EPCIP: variants seen among roughly 807,000 people sequenced by gnomAD.
The protein encoded by EPCIP is exosomal polycystin-1-interacting protein.
At chr21:32,802,095 C>T in the EPCIP span, among the ~76,000 whole-genome samples, 3 of 152,126 alleles carry the variant, frequency 2.0e-5, no homozygotes, top group African/African-American at 7.2e-5. Context: ...CAGGACCTTG[C>T]TGGTCAAGCT....
chr21:32,797,035 A>G, the EPCIP span: 4 of 470,820 alleles, frequency 8.5e-6, no homozygotes, highest in Non-Finnish European at 1.8e-5. Flanking sequence ...AAGTTCCCAG[A>G]AGAATTTGTG....
the EPCIP span, among the ~76,000 whole-genome samples, chr21:32,793,138 G>T: frequency 6.6e-6 from 1 of 151,906 alleles, no homozygotes; most frequent in African/African-American, 2.4e-5. Flanking sequence ...TGTATTTTTA[G>T]TAGAGATGGG....
the EPCIP span, among the ~76,000 whole-genome samples, chr21:32,803,819 G>T: frequency 5.3e-5 from 8 of 152,090 alleles, no homozygotes; most frequent in African/African-American, 1.9e-4. Flanking sequence ...ATGAGCCACT[G>T]AATTTTCACA....
chr21:32,802,144 C>T, the EPCIP span, among the ~76,000 whole-genome samples: 13 of 152,148 alleles, frequency 8.5e-5, no homozygotes, highest in Non-Finnish European at 1.8e-4. Context: ...ACTTGGTCTC[C>T]AAACTCTTCT....
the EPCIP span, among the ~76,000 whole-genome samples, chr21:32,809,279 C>CTTTCTTTCTTTCTTTCTTT: frequency 2.9e-4 from 23 of 80,066 alleles, no homozygotes; most frequent in East Asian, 1.4e-3. Flanking sequence ...CTCCCTCCTT[C>CTTTCTTTCTTTCTTTCTTT]CTTTCTTTCT....
At chr21:32,795,133 C>T in the EPCIP span, among the ~76,000 whole-genome samples, 4 of 152,110 alleles carry the variant, frequency 2.6e-5, no homozygotes, top group Non-Finnish European at 4.4e-5. Context: ...ACAAATGTAC[C>T]TAGGTAACTG....
At chr21:32,799,850 G>A in the EPCIP span, among the ~76,000 whole-genome samples, 1 of 152,286 alleles carries the variant, frequency 6.6e-6, no homozygotes, top group Non-Finnish European at 1.5e-5. Context: ...GCTGAGGCAC[G>A]AGAATTCCTT....
chr21:32,791,592 A>C, the EPCIP span: 1 of 152,088 alleles, frequency 6.6e-6, no homozygotes, highest in Non-Finnish European at 1.5e-5. Context: ...TTCTATTAAA[A>C]TTCATACTTT....
the EPCIP span, among the ~76,000 whole-genome samples, chr21:32,799,550 A>G: frequency 1.3e-5 from 2 of 152,288 alleles, no homozygotes; most frequent in East Asian, 3.9e-4. Context: ...TATACTTGAG[A>G]CTGCTTCTTG....
At chr21:32,800,275 T>G in the EPCIP span, among the ~76,000 whole-genome samples, 1 of 152,218 alleles carries the variant, frequency 6.6e-6, no homozygotes, top group Admixed American at 6.5e-5. Flanking sequence ...AAATGTTGGG[T>G]GTAATCCTAG....
chr21:32,809,519 G>A, the EPCIP span, among the ~76,000 whole-genome samples: 1 of 151,538 alleles, frequency 6.6e-6, no homozygotes, highest in Non-Finnish European at 1.5e-5. Context: ...GACTATAGGT[G>A]CGTACCACTG....
the EPCIP span, chr21:32,797,295 C>T: frequency 5.4e-4 from 138 of 256,426 alleles, no homozygotes; most frequent in Non-Finnish European, 9.4e-4. Flanking sequence ...GTCGCCCGGG[C>T]TGCAGTTCAG....
At chr21:32,804,274 A>ATT in the EPCIP span, among the ~76,000 whole-genome samples, 4 of 67,530 alleles carry the variant, frequency 5.9e-5, no homozygotes, top group South Asian at 4.2e-4. Context: ...GATGCATGTG[A>ATT]TTATATATAT....
chr21:32,812,131 C>T, the EPCIP span, among the ~76,000 whole-genome samples: 2 of 152,202 alleles, frequency 1.3e-5, no homozygotes, highest in Non-Finnish European at 2.9e-5. Flanking sequence ...AGAGAGTGAG[C>T]CACTGGGAAG....
chr21:32,808,977 C>T, the EPCIP span, among the ~76,000 whole-genome samples: 1 of 151,940 alleles, frequency 6.6e-6, no homozygotes, highest in Non-Finnish European at 1.5e-5. Context: ...AACCGAGTGC[C>T]CATGAAATAG....
the EPCIP span, among the ~76,000 whole-genome samples, chr21:32,804,627 C>T: frequency 6.6e-6 from 1 of 152,018 alleles, no homozygotes; most frequent in South Asian, 2.1e-4. Context: ...TCTAAAGTAA[C>T]TGGTTCATTT....
At chr21:32,809,015 T>G in the EPCIP span, among the ~76,000 whole-genome samples, 1 of 152,090 alleles carries the variant, frequency 6.6e-6, no homozygotes, top group Non-Finnish European at 1.5e-5. Context: ...AAATGAATTC[T>G]TCAGACCTCC....
At chr21:32,800,195 A>C in the EPCIP span, among the ~76,000 whole-genome samples, 1 of 152,338 alleles carries the variant, frequency 6.6e-6, no homozygotes, top group African/African-American at 2.4e-5. Context: ...CCTTACTAGT[A>C]ATATCTTCTT....
chr21:32,802,780 G>A, the EPCIP span, among the ~76,000 whole-genome samples: 4 of 152,278 alleles, frequency 2.6e-5, no homozygotes, highest in Admixed American at 1.3e-4. Context: ...GAGCAGGAGA[G>A]CCCAGTGGGC....
Sources: gnomAD v4.1 joint callset for allele counts (sites outside exome capture counted in the v4.1 genomes callset) on GRCh38, gnomAD v4.1.1 for gene constraint, MANE v1.5 for transcripts, NCBI Gene and HGNC (gene_info 2026-07-23, HGNC 2026-07-21) for gene names.